Variants in NAV3 observed in about 807,000 individuals in gnomAD.
The protein encoded by NAV3 is pore membrane and/or filament interacting like protein 1.
Under a neutral mutation model 244.7 loss-of-function variants are expected in NAV3, and 87 were observed. That is an observed-to-expected ratio of 0.36 (90% CI 0.30 to 0.42). The LOEUF is 0.42. Ranked by LOEUF, NAV3 falls within the 20% of genes least tolerant of loss-of-function variation. NAV3 has a pLI of 1.00. For synonymous variants in NAV3, 1,126 were observed against 1,042.2 expected (o/e 1.08, Z -1.55); for missense variants, 2,663 against 2,893.3 (o/e 0.92, Z 1.83).
At chr12:77,991,721 G>T (rs2448228) in intron 5 of NAV3, among the ~76,000 whole-genome samples, 150,327 of 152,314 alleles carry the variant, frequency 0.99, 74,215 homozygotes, top group Middle Eastern at 1. Flanking sequence ...TAGTAGAACA[G>T]AAACACAGAA....
intron 1 of NAV3, among the ~76,000 whole-genome samples, chr12:77,918,390 T>C (rs1486452316): frequency 1.3e-5 from 2 of 152,064 alleles, no homozygotes; most frequent in African/African-American, 2.4e-5. Context: ...GGGACCTTTT[T>C]AGGTCAGGCA....
intron 8 of NAV3, 142 bp downstream of exon 8, chr12:78,007,587 T>C: frequency 1.2e-6 from 1 of 865,060 alleles, no homozygotes; most frequent in Non-Finnish European, 1.7e-6. Context: ...AGGCCTAGAA[T>C]TCAGTGCGGA....
intron 38 of NAV3, among the ~76,000 whole-genome samples, chr12:78,202,559 A>G (rs1959825080): frequency 6.6e-6 from 1 of 152,138 alleles, no homozygotes. Context: ...GGGCAAAAGT[A>G]TAATCACTTA....
At chr12:77,973,925 A>G (rs945056515) in intron 5 of NAV3, among the ~76,000 whole-genome samples, 4 of 152,002 alleles carry the variant, frequency 2.6e-5, no homozygotes, top group African/African-American at 9.7e-5. Context: ...GGATATTTAT[A>G]AAATCATTAC....
Position 77,917,841 on chromosome 12 carries a change from A to T in NAV3, c.244-22478A>T, listed in dbSNP as rs1180590753. 5.3e-5 allele frequency among the ~76,000 whole-genome samples: 8 copies of T among 152,200 alleles called. No homozygotes were observed. The South Asian group carries it at 1.0e-3, about 20-fold the overall frequency. ...CCAAATTAAATACTTTCTATTTAAA[A>T]TACCTAGAAAGGTTTCTATATTCTT... is the stretch of plus-strand genomic sequence containing the variant. On this transcript the variant is annotated intron_variant, in intron 1 of 39. Transcript: ENST00000397909.
chr12:78,147,400 T>A (rs955894171), intron 21 of NAV3, among the ~76,000 whole-genome samples: 2 of 152,004 alleles, frequency 1.3e-5, no homozygotes, highest in Non-Finnish European at 2.9e-5. Flanking sequence ...AGTTATGGTT[T>A]AAAAAAACAA....
chr12:77,720,550 T>G (rs1388029487), intron 2 of NAV3, among the ~76,000 whole-genome samples: 1 of 152,140 alleles, frequency 6.6e-6, no homozygotes, highest in Non-Finnish European at 1.5e-5. Context: ...CTCCCTGGCT[T>G]CTAGAGTATG....
chr12:77,879,813 T>C (rs1023190934), intron 1 of NAV3, among the ~76,000 whole-genome samples: 1 of 152,086 alleles, frequency 6.6e-6, no homozygotes, highest in African/African-American at 2.4e-5. Flanking sequence ...GCTATAACTT[T>C]TCAAAAAGTG....
At chr12:77,750,487 A>G (rs1868792970) in intron 2 of NAV3, among the ~76,000 whole-genome samples, 3 of 151,912 alleles carry the variant, frequency 2.0e-5, no homozygotes. Flanking sequence ...CGCTCTAATC[A>G]TGCCTGGGAA....
chr12:78,019,868 T>C (rs1347863095), intron 8 of NAV3, among the ~76,000 whole-genome samples: 1 of 152,148 alleles, frequency 6.6e-6, no homozygotes, highest in Non-Finnish European at 1.5e-5. Context: ...TAATAAAATA[T>C]TATGACTTTA....
chr12:77,733,834 ATTTT>A (rs56770236), intron 2 of NAV3, among the ~76,000 whole-genome samples: 59,068 of 123,748 alleles, frequency 0.48, 14,307 homozygotes, highest in East Asian at 0.79. Context: ...CTTGGTTTAG[ATTTT>A]TTTTTTTTTT....
intron 2 of NAV3, among the ~76,000 whole-genome samples, chr12:77,602,711 A>G (rs1307442486): frequency 6.6e-6 from 1 of 152,002 alleles, no homozygotes; most frequent in East Asian, 1.9e-4. Flanking sequence ...CTACTCCCAT[A>G]ATAGCAGTCT....
intron 2 of NAV3, among the ~76,000 whole-genome samples, chr12:77,793,289 G>A (rs1041856872): frequency 1.3e-5 from 2 of 152,116 alleles, no homozygotes; most frequent in Non-Finnish European, 2.9e-5. Flanking sequence ...GAAGTGGTAA[G>A]TATTTCTCTA....
chr12:78,150,151 T>C (rs1389474888), intron 22 of NAV3, among the ~76,000 whole-genome samples: 2 of 152,060 alleles, frequency 1.3e-5, no homozygotes, highest in Admixed American at 6.6e-5. Flanking sequence ...GCTACATGTA[T>C]AGAAGTATGA....
Position 78,021,767 on chromosome 12 carries a change from G to A in NAV3, c.1928G>A (p.Gly643Asp), listed in dbSNP as rs766038142. 1 of 1,607,394 alleles carries A rather than the reference G, an allele frequency of 6.2e-7. No individual in the cohort carries two copies. The highest frequency in any genetic ancestry group is 8.5e-7 in the Non-Finnish European group (1 of 1,176,144). ...FIYRAHSENE[G>D]TALPSADSCT... Reference sequence around the variant, plus strand: ...TTCAGGGCACATTCAGAAAATGAAGGTACCGCTTTACCATCGGCTGACTCC... The same window carrying A: ...TTCAGGGCACATTCAGAAAATGAAGATACCGCTTTACCATCGGCTGACTCC... The change falls in exon 9 of 40, where the codon GGT (glycine) becomes GAT (aspartate). Residue 643 changes from glycine to aspartate, a missense_variant. This residue lies in a region of NAV3 where 1,521 missense variants were observed against 1,497.0 expected (regional missense o/e 1.02). Transcript: ENST00000397909.
chr12:78,069,996 C>T (rs1015021844), intron 12 of NAV3, among the ~76,000 whole-genome samples: 1 of 151,992 alleles, frequency 6.6e-6, no homozygotes, highest in Non-Finnish European at 1.5e-5. Context: ...GATGATAAAA[C>T]CTTTTTACTG....
intron 2 of NAV3, among the ~76,000 whole-genome samples, chr12:77,625,841 G>C (rs1025349571): frequency 6.6e-6 from 1 of 152,192 alleles, no homozygotes; most frequent in Non-Finnish European, 1.5e-5. Context: ...AGATGCAACT[G>C]TTACAGCAAG....
intron 32 of NAV3, 117 bp downstream of exon 32, chr12:78,188,460 TTC>T: frequency 6.8e-6 from 8 of 1,177,136 alleles, no homozygotes; most frequent in Non-Finnish European, 8.4e-6. Context: ...AAGGAAAGCT[TTC>T]TGTTTGTGCT....
chr12:77,872,505 C>CATG (rs1412571829), intron 1 of NAV3, among the ~76,000 whole-genome samples: 5 of 152,104 alleles, frequency 3.3e-5, no homozygotes, highest in African/African-American at 1.2e-4. Context: ...TGGGGAAGGC[C>CATG]ATGGTCTTGG....
Sources: gnomAD v4.1 joint callset for allele counts (sites outside exome capture counted in the v4.1 genomes callset) on GRCh38, gnomAD v4.1.1 for gene constraint, gnomAD v4.1.1 regional missense constraint, MANE v1.5 for transcripts, NCBI Gene and HGNC (gene_info 2026-07-23, HGNC 2026-07-21) for gene names.